UNC80: variants seen among roughly 807,000 people sequenced by gnomAD.
The protein encoded by UNC80 is protein unc-80 homolog.
A neutral mutation model predicts 384.6 loss-of-function variants in UNC80; 164 were observed. The observed-to-expected ratio is 0.43, with a 90% CI of 0.38 to 0.49. The LOEUF (loss-of-function observed/expected upper bound fraction) is 0.49. UNC80 is among the 20% of genes least tolerant of loss of function. The pLI, the probability that UNC80 is intolerant of heterozygous loss-of-function variation, is 0.00. For synonymous variants in UNC80, 1,486 were observed against 1,527.8 expected, an observed-to-expected ratio of 0.97 and a Z score of 0.64; for missense variants, 3,330 against 4,143.0, an observed-to-expected ratio of 0.80 and a Z score of 5.39.
intron 24 of UNC80, 92 bp from the exon 25 acceptor site, chr2:209,880,869 T>G (rs894982226): frequency 1.6e-6 from 2 of 1,243,176 alleles, no homozygotes; most frequent in Non-Finnish European, 2.2e-6. Flanking sequence ...TGCAATTTGA[T>G]TCTATACATG....
Position 209,939,653 on chromosome 2 carries a change from G to GT in UNC80, c.6646+2dup. 1 of 1,534,980 alleles carries GT rather than the reference G, an allele frequency of 6.5e-7. No individual in the cohort carries two copies. The highest frequency in any genetic ancestry group is 1.2e-5 in the South Asian group (1 of 80,746). On this transcript the variant is annotated splice_donor_variant, in intron 43 of 64. Transcript: ENST00000673920. LOFTEE classifies it high-confidence loss of function. The stretch of plus-strand genomic sequence containing the variant: ...TTTTCACTCTTCAGTGATCCTCAAG[G>GT]TATCAAACAAAGAAACATTGCCTCT...
intron 4 of UNC80, among the ~76,000 whole-genome samples, chr2:209,780,469 G>GT (rs1264604674): frequency 2.6e-5 from 4 of 152,146 alleles, no homozygotes; most frequent in Non-Finnish European, 4.4e-5. Context: ...GAGATGTCTG[G>GT]TTTTTTCAAG....
chr2:209,892,290 G>A (rs184953804), intron 26 of UNC80, among the ~76,000 whole-genome samples: 67 of 152,244 alleles, frequency 4.4e-4, no homozygotes, highest in Non-Finnish European at 8.4e-4. Context: ...AAAGTGAGGT[G>A]AAAGAAAAGG....
chr2:209,897,881 C>T (rs1207082649), intron 28 of UNC80, among the ~76,000 whole-genome samples: 1 of 152,116 alleles, frequency 6.6e-6, no homozygotes, highest in Non-Finnish European at 1.5e-5. Context: ...TTTTAAATTA[C>T]AGATTCAGTT....
At chr2:209,855,949 A>G (rs1453332102) in intron 22 of UNC80, among the ~76,000 whole-genome samples, 3 of 152,066 alleles carry the variant, frequency 2.0e-5, no homozygotes, top group Non-Finnish European at 4.4e-5. Flanking sequence ...TGCCCTTATT[A>G]ATATTTTTCT....
Position 209,955,692 on chromosome 2 carries a change from AATATATATATATATATAT to A in UNC80, c.7457+1452_7457+1469del, listed in dbSNP as rs57804600. Among the ~76,000 whole-genome samples, 74 of 51,612 alleles carry A rather than the reference AATATATATATATATATAT, an allele frequency of 1.4e-3. 1 individual carries two copies. The highest frequency in any genetic ancestry group is 7.0e-3 in the East Asian group (9 of 1,292). The allele number at this position is 51,612 out of a possible 152,430, so 33.9% of individuals were successfully genotyped here. A position where few individuals can be genotyped will look rare whatever the true frequency, so the allele number is the denominator to read the frequency against. On this transcript the variant is annotated intron_variant, in intron 48 of 64. Transcript: ENST00000673920. ...TGTTCCCAAATGCCACTGTATTTCTAATATATATATATATATATATATATATATATATATATATATATA... is the reference window on the plus strand; with the variant it reads ...TGTTCCCAAATGCCACTGTATTTCTAATATATATATATATATATATATATA...
In UNC80 at chr2:209,969,773, AG is replaced by A; in HGVS notation, c.8014del (p.Val2672LeufsTer9). ...GCGCCTATATTGTATTCCAGGCGAC[AG>A]GTTGAGTGGGAGCCTGCCAGCAATT... is the stretch of plus-strand genomic sequence containing the variant. ...KIHKMPTLRR[Q>X]VEWEPASNLI... On this transcript the variant is annotated frameshift_variant, in exon 53 of 65. Coordinates refer to ENST00000673920, the MANE Select transcript of UNC80 (RefSeq NM_001371986.1). LOFTEE classifies it high-confidence loss of function. The A allele has an allele frequency of 1.3e-6, 2 of 1,551,696 alleles. No individual in the cohort carries two copies. The highest frequency in any genetic ancestry group is 1.7e-6 in the Non-Finnish European group (2 of 1,146,966).
Position 209,880,998 on chromosome 2 carries a change from C to G in UNC80, c.4014C>G (p.Ala1338=). 1 of 1,552,064 alleles carries G rather than the reference C, an allele frequency of 6.4e-7. No individual in the cohort carries two copies. Among genetic ancestry groups the G allele is most frequent in the Non-Finnish European group, 8.7e-7 (1 of 1,147,068 alleles). ...VNPSKCGCPF[A]LKMAACQLLL... ...CCTCTAAATGCGGTTGCCCCTTTGC[C>G]TTGAAGATGGCAGCATGTCAGCTTC... The change falls in exon 25 of 65, where the codon GCC becomes GCG. Residue 1338 remains alanine, a synonymous_variant. Coordinates refer to ENST00000673920, the MANE Select transcript of UNC80 (RefSeq NM_001371986.1).
chr2:209,805,447 T>C (rs969487523), intron 7 of UNC80, among the ~76,000 whole-genome samples: 3 of 152,224 alleles, frequency 2.0e-5, no homozygotes, highest in Admixed American at 2.0e-4. Context: ...TTTCTGAGGA[T>C]CATGAATGCT....
At chr2:209,844,056 GA>G (rs375296502) in intron 21 of UNC80, among the ~76,000 whole-genome samples, 270 of 152,200 alleles carry the variant, frequency 1.8e-3, no homozygotes, top group Non-Finnish European at 3.3e-3. Context: ...GTGGTTTTAA[GA>G]ATCTTCCTAA....
chr2:209,928,832 C>T lies in UNC80; in HGVS notation c.5807-1039C>T, dbSNP rs1250003704. 2.0e-5 allele frequency among the ~76,000 whole-genome samples: 3 copies of T among 152,080 alleles called. No individual in the cohort carries two copies. In the East Asian group the frequency reaches 5.8e-4, roughly 29 times the overall value. ...ACCAACCTTTCCCATGCCTCCCTCC[C>T]GCCTCCCCTTCCTAGCCTCTAGTTA... On this transcript the variant is annotated intron_variant, in intron 36 of 64. Transcript: ENST00000673920.
intron 14 of UNC80, 33 bp downstream of exon 14, chr2:209,826,086 C>T (rs1281554995): frequency 4.6e-6 from 7 of 1,529,448 alleles, no homozygotes; most frequent in African/African-American, 1.4e-5. Context: ...CATTTCCTCT[C>T]CCTCTTCCTT....
intron 15 of UNC80, 23 bp downstream of exon 15, chr2:209,829,402 T>C: frequency 6.4e-7 from 1 of 1,550,648 alleles, no homozygotes; most frequent in Non-Finnish European, 8.7e-7. Context: ...GCACCCAAGT[T>C]CTAGGAGAAG....
At chr2:209,858,986 A>G (rs1225750998) in intron 22 of UNC80, among the ~76,000 whole-genome samples, 1 of 152,142 alleles carries the variant, frequency 6.6e-6, no homozygotes, top group African/African-American at 2.4e-5. Flanking sequence ...ACTGGTTTGT[A>G]GATTATTATA....
chr2:209,930,569 A>G (rs1268634226), intron 37 of UNC80, among the ~76,000 whole-genome samples: 1 of 152,182 alleles, frequency 6.6e-6, no homozygotes, highest in Non-Finnish European at 1.5e-5. Flanking sequence ...GAATTAAGAC[A>G]TTCACAAAAA....
Position 209,976,110 on chromosome 2 carries a change from G to T in UNC80, c.8588-9G>T, listed in dbSNP as rs377093120. ...CGCAGGCTCATTTTTCTCTTTTCCC[G>T]GTGTGAAGCGCTGAAGGTGATTCTC... On this transcript the variant is annotated splice_polypyrimidine_tract_variant and intron_variant, in intron 56 of 64. Transcript: ENST00000673920. The surrounding 1 kb of genome is among the most constrained non-coding windows in gnomAD (Gnocchi z 4.3). 1.9e-6 allele frequency: 3 copies of T among 1,545,096 alleles called. No homozygotes were observed. The South Asian group carries it at 3.6e-5, about 18-fold the overall frequency.
chr2:209,805,300 A>G (rs2078823785), intron 7 of UNC80, among the ~76,000 whole-genome samples: 1 of 152,216 alleles, frequency 6.6e-6, no homozygotes, highest in Non-Finnish European at 1.5e-5. Context: ...TACACTCCTT[A>G]CTTCTTGTTA....
chr2:209,846,940 G>C (rs1047316609), intron 21 of UNC80, among the ~76,000 whole-genome samples: 2 of 151,956 alleles, frequency 1.3e-5, no homozygotes, highest in Admixed American at 1.3e-4. Context: ...TGTACAATGA[G>C]GAATTATTTC....
At chr2:209,896,466 G>A in intron 28 of UNC80, 53 bp downstream of exon 28, 8 of 1,401,484 alleles carry the variant, frequency 5.7e-6, no homozygotes, top group Non-Finnish European at 7.9e-6. Context: ...TGGCACTGGG[G>A]AAGATCCAAG....
Sources: allele counts gnomAD v4.1 joint callset (sites outside exome capture counted in the v4.1 genomes callset), GRCh38; gene constraint gnomAD v4.1.1; non-coding constraint Gnocchi (gnomAD v3.1); transcripts MANE v1.5; gene names NCBI Gene and HGNC (gene_info 2026-07-23, HGNC 2026-07-21).